The following ADAMTS3 variants were observed in gnomAD, a reference collection of about 807,000 sequenced individuals.
ADAMTS3 encodes A disintegrin and metalloproteinase with thrombospondin motifs 3.
ADAMTS3 carries 73 observed loss-of-function variants against 129.0 expected under a neutral mutation model. That is an observed-to-expected ratio of 0.57 (90% confidence interval 0.47 to 0.69). The LOEUF (loss-of-function observed/expected upper bound fraction) is 0.69. Ranked by LOEUF, ADAMTS3 falls within the 30% of genes least tolerant of loss-of-function variation. The pLI is 0.00. For synonymous variants in ADAMTS3, 477 were observed against 510.8 expected, an observed-to-expected ratio of 0.93 and a Z score of 0.89; for missense variants, 1,457 against 1,514.5, an observed-to-expected ratio of 0.96 and a Z score of 0.63.
chr4:72,546,712 A>G (rs750718601), intron 3 of ADAMTS3, among the ~76,000 whole-genome samples: 3 of 152,170 alleles, frequency 2.0e-5, no homozygotes, highest in Non-Finnish European at 4.4e-5. Context: ...ATTTTGGCAA[A>G]TTGTAGACCA....
intron 4 of ADAMTS3, among the ~76,000 whole-genome samples, chr4:72,406,954 A>C (rs2109916254): frequency 6.6e-6 from 1 of 152,298 alleles, no homozygotes; most frequent in East Asian, 1.9e-4. Flanking sequence ...GATACCCTGC[A>C]GAGAACTTAG....
At chr4:72,326,913 T>C (rs1333882654) in intron 5 of ADAMTS3, among the ~76,000 whole-genome samples, 1 of 152,070 alleles carries the variant, frequency 6.6e-6, no homozygotes, top group East Asian at 1.9e-4. Flanking sequence ...GTATGCATGC[T>C]TCAGAGGGGC....
At chr4:72,323,419 G>A (rs1328622161) in intron 5 of ADAMTS3, among the ~76,000 whole-genome samples, 2 of 152,198 alleles carry the variant, frequency 1.3e-5, no homozygotes, top group Non-Finnish European at 2.9e-5. Context: ...GCAACCACAG[G>A]AGGGTAACTT....
chr4:72,527,575 C>A (rs961261992), intron 3 of ADAMTS3, among the ~76,000 whole-genome samples: 19 of 152,080 alleles, frequency 1.2e-4, no homozygotes, highest in Non-Finnish European at 7.4e-5. Flanking sequence ...TATATACTCC[C>A]AAGAAGCAGC....
At chr4:72,565,172 C>A (rs1035032407) in intron 2 of ADAMTS3, among the ~76,000 whole-genome samples, 2 of 152,148 alleles carry the variant, frequency 1.3e-5, no homozygotes, top group Non-Finnish European at 2.9e-5. Context: ...GTTTATTACT[C>A]ATTTATATTT....
rs1316779215 is a variant in ADAMTS3, at chr4:72,510,420, T to A, written c.504+38058A>T. ...TATTAGAAATGATAAACAAATTCAG[T>A]AAAGTTGCAGGATACAAAAATAACG... On this transcript the variant is annotated intron_variant, in intron 3 of 21. Coordinates refer to ENST00000286657, the MANE Select transcript of ADAMTS3 (RefSeq NM_014243.3). Among the ~76,000 whole-genome samples the A allele has an allele frequency of 2.0e-5, 3 of 152,118 alleles. No individual in the cohort carries two copies. In the East Asian group the frequency reaches 5.8e-4, roughly 29 times the overall value.
intron 3 of ADAMTS3, among the ~76,000 whole-genome samples, chr4:72,518,905 A>C (rs1194631131): frequency 6.6e-6 from 1 of 152,040 alleles, no homozygotes; most frequent in African/African-American, 2.4e-5. Flanking sequence ...TATTTTGCTC[A>C]TTAGTTGACG....
At chr4:72,476,593 A>G (rs137913621) in intron 3 of ADAMTS3, among the ~76,000 whole-genome samples, 11 of 152,268 alleles carry the variant, frequency 7.2e-5, no homozygotes, top group Middle Eastern at 3.4e-3. Context: ...ACAGAAGAAG[A>G]AAAACTTACC....
chr4:72,516,675 T>C (rs547074006), intron 3 of ADAMTS3, among the ~76,000 whole-genome samples: 30 of 152,282 alleles, frequency 2.0e-4, no homozygotes, highest in African/African-American at 6.5e-4. Flanking sequence ...GTGATTTTTG[T>C]ACATTGATTT....
Position 72,480,000 on chromosome 4 carries a change from A to C in ADAMTS3, c.505-65029T>G, listed in dbSNP as rs1412181385. Among the ~76,000 whole-genome samples the C allele has an allele frequency of 5.3e-5, 8 of 152,272 alleles. No homozygotes were observed. In the East Asian group the frequency reaches 1.2e-3, roughly 22 times the overall value. ...CAAATCAAAACCACAATGAGATACCATCTCACACCAGTTAGAATGGCAATC... is the reference window on the plus strand; with the variant it reads ...CAAATCAAAACCACAATGAGATACCCTCTCACACCAGTTAGAATGGCAATC... On this transcript the variant is annotated intron_variant, in intron 3 of 21. Transcript: ENST00000286657.
intron 3 of ADAMTS3, among the ~76,000 whole-genome samples, chr4:72,493,159 C>G (rs1719790013): frequency 6.6e-6 from 1 of 151,718 alleles, no homozygotes; most frequent in Non-Finnish European, 1.5e-5. Flanking sequence ...TGTTTTTTGT[C>G]CATTCAGCCA....
chr4:72,534,770 C>T (rs1721145296), intron 3 of ADAMTS3, among the ~76,000 whole-genome samples: 2 of 152,112 alleles, frequency 1.3e-5, no homozygotes, highest in Admixed American at 1.3e-4. Flanking sequence ...ATATTTCAAA[C>T]ATTCTCATAG....
At chr4:72,379,645 T>G (rs1231701091) in intron 4 of ADAMTS3, among the ~76,000 whole-genome samples, 2 of 152,132 alleles carry the variant, frequency 1.3e-5, no homozygotes, top group Admixed American at 6.6e-5. Context: ...CATATTCCAA[T>G]TATTTATTCT....
intron 15 of ADAMTS3, among the ~76,000 whole-genome samples, chr4:72,306,417 T>A (rs751687496): frequency 2.0e-5 from 3 of 152,036 alleles, no homozygotes; most frequent in Admixed American, 1.3e-4. Flanking sequence ...ACCATCCTTT[T>A]GAAGTGGAGT....
chr4:72,474,021 AC>A (rs1373006876), intron 3 of ADAMTS3, among the ~76,000 whole-genome samples: 1 of 152,180 alleles, frequency 6.6e-6, no homozygotes, highest in African/African-American at 2.4e-5. Flanking sequence ...AGGAACACAA[AC>A]TTTTATCTAC....
At chr4:72,429,026 G>C (rs1385487103) in intron 3 of ADAMTS3, among the ~76,000 whole-genome samples, 2 of 152,028 alleles carry the variant, frequency 1.3e-5, no homozygotes, top group South Asian at 2.1e-4. Flanking sequence ...CAACTCCAGA[G>C]AGTCTGATTC....
intron 3 of ADAMTS3, among the ~76,000 whole-genome samples, chr4:72,525,942 C>T (rs1720795308): frequency 6.6e-6 from 1 of 152,108 alleles, no homozygotes; most frequent in Non-Finnish European, 1.5e-5. Context: ...TAGCACAAAT[C>T]AAATTCCCCC....
At chr4:72,464,154 T>C (rs1312503358) in intron 3 of ADAMTS3, among the ~76,000 whole-genome samples, 1 of 152,060 alleles carries the variant, frequency 6.6e-6, no homozygotes, top group African/African-American at 2.4e-5. Flanking sequence ...GCGTCACAGC[T>C]ACCTGCTGCT....
At chr4:72,427,814 A>G (rs1322402665) in intron 3 of ADAMTS3, among the ~76,000 whole-genome samples, 1 of 151,818 alleles carries the variant, frequency 6.6e-6, no homozygotes, top group Non-Finnish European at 1.5e-5. Context: ...ATCCACTCTA[A>G]CCCTTCTCCT....
Sources: allele counts gnomAD v4.1 joint callset (sites outside exome capture counted in the v4.1 genomes callset), GRCh38; gene constraint gnomAD v4.1.1; transcripts MANE v1.5; gene names NCBI Gene and HGNC (gene_info 2026-07-23, HGNC 2026-07-21).